Variants in FOXN3 observed in about 807,000 individuals in gnomAD.
FOXN3 encodes the protein forkhead box protein N3.
In FOXN3, 7 loss-of-function variants were observed where a neutral mutation model predicts 38.4. That is an observed-to-expected ratio of 0.18 (90% CI 0.10 to 0.34). FOXN3 has a LOEUF of 0.34. Among genes scored for constraint, FOXN3 ranks in the 10% least tolerant of loss-of-function variants. The probability of loss-of-function intolerance (pLI) is 1.00; values close to 1 mark genes in which losing one functional copy is unlikely to be tolerated. For missense variants in FOXN3, 456 were observed against 613.4 expected (o/e 0.74, Z 2.71); for synonymous variants, 230 against 242.2 (o/e 0.95, Z 0.47).
At chr14:89,610,404 C>T (rs1896365003) in intron 1 of FOXN3, among the ~76,000 whole-genome samples, 1 of 152,196 alleles carries the variant, frequency 6.6e-6, no homozygotes, top group Admixed American at 6.5e-5. Flanking sequence ...CCACGTGCCC[C>T]AGTGCGGCTG....
chr14:89,448,726 C>T (rs1296173273), intron 1 of FOXN3, among the ~76,000 whole-genome samples: 1 of 151,766 alleles, frequency 6.6e-6, no homozygotes, highest in Non-Finnish European at 1.5e-5. Flanking sequence ...GTGGCTTGAG[C>T]CCAGGAGTTC....
At chr14:89,337,093 T>C (rs1279193781) in intron 3 of FOXN3, among the ~76,000 whole-genome samples, 3 of 152,158 alleles carry the variant, frequency 2.0e-5, no homozygotes, top group Non-Finnish European at 2.9e-5. Context: ...GGTCCTTAGG[T>C]AGTCAGGCCA....
intron 1 of FOXN3, among the ~76,000 whole-genome samples, chr14:89,596,805 T>C (rs555152508): frequency 6.6e-6 from 1 of 152,316 alleles, no homozygotes; most frequent in Non-Finnish European, 1.5e-5. Context: ...TATATTGCCA[T>C]AAAGTTTTTC....
chr14:89,286,934 A>T (rs1379714039), intron 3 of FOXN3, among the ~76,000 whole-genome samples: 3 of 152,206 alleles, frequency 2.0e-5, no homozygotes, highest in Non-Finnish European at 4.4e-5. Context: ...GGCAATTAAA[A>T]GGGATCTCTG....
At chr14:89,612,710 CTTGAGCCCAAGAGTTCGAGGCTGCA>C (rs1349486142) in intron 1 of FOXN3, among the ~76,000 whole-genome samples, 18 of 152,090 alleles carry the variant, frequency 1.2e-4, no homozygotes, top group African/African-American at 4.1e-4. Flanking sequence ...GGAAAGACTG[CTTGAGCCCAAGAGTTCGAGGCTGCA>C]TTGAGCCCAA....
Position 89,511,161 on chromosome 14 carries a change from C to CTTTCTTTCTTTCTT in FOXN3, c.-14-98685_-14-98672dup, listed in dbSNP as rs1555358050. ...CTTTCTTTTCTTTCTTTCTTTCTTTCTTTCTTTCTTTCTTTCTTTCTTTCT... is the reference window on the plus strand; with the variant it reads ...CTTTCTTTTCTTTCTTTCTTTCTTTCTTTCTTTCTTTCTTTTTCTTTCTTTCTTTCTTTCTTTCT... On this transcript the variant is annotated intron_variant, in intron 1 of 6. Coordinates refer to the FOXN3 transcript ENST00000345097. 6.1e-3 allele frequency among the ~76,000 whole-genome samples: 137 copies of CTTTCTTTCTTTCTT among 22,306 alleles called. 21 individuals carry two copies. The highest frequency in any genetic ancestry group is 9.3e-3 in the African/African-American group (127 of 13,696). 14.6% of individuals were successfully genotyped at this position (22,306 alleles called of 152,430 possible). A position where few individuals can be genotyped will look rare whatever the true frequency, so the allele number is the denominator to read the frequency against.
intron 3 of FOXN3, among the ~76,000 whole-genome samples, chr14:89,310,875 G>C (rs1319780579): frequency 2.6e-5 from 4 of 151,756 alleles, no homozygotes; most frequent in African/African-American, 9.7e-5. Flanking sequence ...GGGAGGCCGA[G>C]GCAGGCAGAT....
At chr14:89,378,035 C>A (rs1890533466) in intron 2 of FOXN3, among the ~76,000 whole-genome samples, 1 of 152,192 alleles carries the variant, frequency 6.6e-6, no homozygotes, top group Non-Finnish European at 1.5e-5. Flanking sequence ...CTTCCAACAT[C>A]CAGAACTGTG....
chr14:89,189,100 G>A (rs1467627754), intron 4 of FOXN3, among the ~76,000 whole-genome samples: 1 of 152,148 alleles, frequency 6.6e-6, no homozygotes, highest in African/African-American at 2.4e-5. Flanking sequence ...GTCTCCCTGA[G>A]AATGCTCAGC....
chr14:89,272,966 C>T (rs988488394), intron 4 of FOXN3, among the ~76,000 whole-genome samples: 1 of 152,234 alleles, frequency 6.6e-6, no homozygotes, highest in Non-Finnish European at 1.5e-5. Context: ...GCCTCCTATT[C>T]TTCTATGAGG....
chr14:89,365,185 C>T (rs952559378), intron 2 of FOXN3, among the ~76,000 whole-genome samples: 3 of 152,132 alleles, frequency 2.0e-5, no homozygotes, highest in African/African-American at 4.8e-5. Context: ...CCCCACCACA[C>T]GTCAATGTCA....
chr14:89,520,758 T>G (rs534514147), intron 1 of FOXN3, among the ~76,000 whole-genome samples: 1 of 152,150 alleles, frequency 6.6e-6, no homozygotes, highest in South Asian at 2.1e-4. Flanking sequence ...CCAAAGTAAC[T>G]AGACATATAA....
In FOXN3 at chr14:89,596,224, G is replaced by A. The variant is rs1007702751; in HGVS notation, c.-15+22804C>T. ...ACAATCTCGGCTCACTGCAACCTCCGCCTCCCCGGTTCAAGCCATTCTCCT... is the reference window on the plus strand; with the variant it reads ...ACAATCTCGGCTCACTGCAACCTCCACCTCCCCGGTTCAAGCCATTCTCCT... On this transcript the variant is annotated intron_variant, in intron 1 of 6. Coordinates refer to the FOXN3 transcript ENST00000345097. Among the ~76,000 whole-genome samples the A allele has an allele frequency of 5.9e-5, 9 of 152,046 alleles. No individual in the cohort carries two copies. The South Asian group carries it at 1.2e-3, about 21-fold the overall frequency.
chr14:89,416,966 C>G lies in FOXN3; in HGVS notation c.-110G>C, dbSNP rs905991174. ...GCGCCCGGCGGGCATCGCTCGGTGGCCCCGCTAAGGACGCGCGGGCGCGGC... is the reference window on the plus strand; with the variant it reads ...GCGCCCGGCGGGCATCGCTCGGTGGGCCCGCTAAGGACGCGCGGGCGCGGC... On this transcript the variant is annotated 5_prime_UTR_variant, in exon 1 of 6. Transcript: ENST00000557258. 6.7e-6 allele frequency: 1 copy of G among 149,028 alleles called. No individual in the cohort carries two copies. Among genetic ancestry groups the G allele is most frequent in the Non-Finnish European group, 1.5e-5 (1 of 67,012 alleles). The allele number at this position is 149,028 out of a possible 1,614,324, so 9.2% of individuals were successfully genotyped here. A position where few individuals can be genotyped will look rare whatever the true frequency, so the allele number is the denominator to read the frequency against.
intron 1 of FOXN3, among the ~76,000 whole-genome samples, chr14:89,499,588 ATTT>A (rs1299590293): frequency 1.3e-5 from 2 of 152,126 alleles, no homozygotes; most frequent in East Asian, 1.9e-4. Flanking sequence ...AATTAAATTA[ATTT>A]TTGAGATATT....
chr14:89,469,401 G>T (rs1032154969), intron 1 of FOXN3, among the ~76,000 whole-genome samples: 2 of 152,218 alleles, frequency 1.3e-5, no homozygotes, highest in African/African-American at 4.8e-5. Flanking sequence ...GGGTTGAGGG[G>T]CTTCTCCAAC....
At chr14:89,337,453 A>G (rs1258682283) in intron 3 of FOXN3, among the ~76,000 whole-genome samples, 1 of 152,068 alleles carries the variant, frequency 6.6e-6, no homozygotes, top group Non-Finnish European at 1.5e-5. Flanking sequence ...CCTGGGGTGA[A>G]AACTTTTCCC....
chr14:89,430,667 AATTG>A (rs972769031), intron 1 of FOXN3, among the ~76,000 whole-genome samples: 129 of 152,234 alleles, frequency 8.5e-4, no homozygotes, highest in African/African-American at 2.8e-3. Context: ...AAATCTGTTT[AATTG>A]ATTTTTTTAT....
chr14:89,395,662 G>A (rs749655244), intron 2 of FOXN3, among the ~76,000 whole-genome samples: 1 of 152,040 alleles, frequency 6.6e-6, no homozygotes, highest in Non-Finnish European at 1.5e-5. Context: ...TTACAAGCAT[G>A]GAATCAACAT....
Sources: allele counts gnomAD v4.1 joint callset (sites outside exome capture counted in the v4.1 genomes callset), GRCh38; gene constraint gnomAD v4.1.1; transcripts MANE v1.5; gene names NCBI Gene and HGNC (gene_info 2026-07-23, HGNC 2026-07-21).